The following TEX11 variants were observed in gnomAD, a reference collection of about 807,000 sequenced individuals.
The protein encoded by TEX11 is testis expressed 11, also known as testis-expressed protein 11.
A neutral mutation model predicts 84.4 loss-of-function variants in TEX11; 7 were observed. The ratio of observed to expected loss-of-function variants is 0.08; its 90% CI spans 0.05 to 0.16. The LOEUF is 0.16. Among genes scored for constraint, TEX11 ranks in the 10% least tolerant of loss-of-function variants. The probability of loss-of-function intolerance (pLI) is 1.00; values close to 1 mark genes in which losing one functional copy is unlikely to be tolerated. For missense variants in TEX11, 551 were observed against 660.5 expected (o/e 0.83, Z 1.82); for synonymous variants, 264 against 222.8 (o/e 1.18, Z -1.64).
At chrX:70,751,050 A>G (rs1452291953) in intron 9 of TEX11, among the ~76,000 whole-genome samples, 2 of 100,613 alleles carry the variant, frequency 2.0e-5, no homozygotes, top group African/African-American at 7.1e-5. Flanking sequence ...AAACTAGTTC[A>G]ACCATTGTGG....
intron 13 of TEX11, among the ~76,000 whole-genome samples, chrX:70,710,120 C>T (rs970945416): frequency 1.0e-4 from 11 of 107,297 alleles, no homozygotes; most frequent in African/African-American, 3.4e-4. Context: ...ACCTAATCAG[C>T]ATCAAAAAAA....
chrX:70,671,947 C>T (rs1304512736), intron 15 of TEX11, among the ~76,000 whole-genome samples: 1 of 93,841 alleles, frequency 1.1e-5, no homozygotes, highest in Non-Finnish European at 2.1e-5. Context: ...ACACAGTCAA[C>T]GGAGTGAACA....
Position 70,815,706 on chromosome X carries a change from C to A in TEX11, c.607-8916G>T, listed in dbSNP as rs751043474. Among the ~76,000 whole-genome samples, 17 of 111,148 alleles carry A rather than the reference C, an allele frequency of 1.5e-4. No homozygotes were observed. In the East Asian group the frequency reaches 4.8e-3, roughly 31 times the overall value. On this transcript the variant is annotated intron_variant, in intron 8 of 29. Coordinates refer to ENST00000374333, the MANE Select transcript of TEX11 (RefSeq NM_031276.3). ...ACTGGACATCTTGGAACATGTCCCCCACGGATAAGGGGGGACTACTGCATT... is the reference window on the plus strand; with the variant it reads ...ACTGGACATCTTGGAACATGTCCCCAACGGATAAGGGGGGACTACTGCATT...
intron 13 of TEX11, among the ~76,000 whole-genome samples, chrX:70,718,694 A>T (rs2090528798): frequency 8.9e-6 from 1 of 111,966 alleles, no homozygotes; most frequent in South Asian, 3.7e-4. Flanking sequence ...GAACTGAAGT[A>T]TTTATTCCCC....
chrX:70,784,020 C>CA (rs901953794), intron 9 of TEX11, among the ~76,000 whole-genome samples: 9 of 108,852 alleles, frequency 8.3e-5, no homozygotes, highest in African/African-American at 2.0e-4. Flanking sequence ...AGAGACACAA[C>CA]AAAAAAAAAG....
At chrX:70,584,798 T>C (rs779520045) in intron 25 of TEX11, among the ~76,000 whole-genome samples, 3 of 112,150 alleles carry the variant, frequency 2.7e-5, no homozygotes, top group African/African-American at 6.5e-5. Context: ...AAGGTCATAT[T>C]CATTGATGCA....
At chrX:70,546,379 A>G (rs1042459243) in intron 28 of TEX11, among the ~76,000 whole-genome samples, 10 of 112,097 alleles carry the variant, frequency 8.9e-5, no homozygotes, top group Admixed American at 4.8e-4. Context: ...CCACAAAAGA[A>G]AAAATTGATA....
rs1164466971 is a variant in TEX11 at position 70,740,783 on chromosome X, C to T, written c.761G>A (p.Arg254Gln). ...ATCCAAATAATTCGTGGCTAATAGCCGTAGAACTTTAGCCTGTAAGAAAAA... is the reference window on the plus strand; with the variant it reads ...ATCCAAATAATTCGTGGCTAATAGCTGTAGAACTTTAGCCTGTAAGAAAAA... Reference protein sequence around the residue: ...TGPEMLAKVLRLLATNYLDWD... With the variant: ...TGPEMLAKVLQLLATNYLDWD... Residue 254 changes from arginine (R) to glutamine (Q), a missense_variant, in exon 11 of 30, where the codon CGG (arginine) becomes CAG (glutamine). By Grantham distance (43) the Arg-to-Gln change is conservative. Coordinates refer to ENST00000374333, the MANE Select transcript of TEX11 (RefSeq NM_031276.3). 1.5e-5 allele frequency: 17 copies of T among 1,171,327 alleles called. No individual in the cohort carries two copies. The highest frequency in any genetic ancestry group is 3.0e-5 in the East Asian group (1 of 33,019).
intron 24 of TEX11, among the ~76,000 whole-genome samples, chrX:70,602,605 G>C (rs1479187865): frequency 1.9e-5 from 2 of 107,698 alleles, no homozygotes; most frequent in Non-Finnish European, 3.8e-5. Context: ...ATACTGAATG[G>C]GCAAACACTG....
At chrX:70,576,568 G>C (rs2088676395) in intron 25 of TEX11, among the ~76,000 whole-genome samples, 1 of 112,511 alleles carries the variant, frequency 8.9e-6, no homozygotes, top group Admixed American at 9.4e-5. Flanking sequence ...CAAGTGTTAA[G>C]TTTGGTGTGT....
At chrX:70,855,509 T>G (rs1301360320) in intron 5 of TEX11, among the ~76,000 whole-genome samples, 1 of 108,273 alleles carries the variant, frequency 9.2e-6, no homozygotes, top group African/African-American at 3.4e-5. Flanking sequence ...GAGGTTGTAG[T>G]GAGCTGAGAT....
chrX:70,578,834 G>A (rs1308308262), intron 25 of TEX11, among the ~76,000 whole-genome samples: 2 of 90,738 alleles, frequency 2.2e-5, no homozygotes, highest in Admixed American at 1.4e-4. Context: ...GCAATTGCAC[G>A]ATCTTGGCTC....
chrX:70,891,861 C>T (rs4300150), intron 2 of TEX11, among the ~76,000 whole-genome samples: 42,954 of 110,316 alleles, frequency 0.39, 6,940 homozygotes, highest in East Asian at 0.58. Context: ...GCCCAACATT[C>T]AAATTCAGAA....
intron 2 of TEX11, among the ~76,000 whole-genome samples, chrX:70,887,600 C>T (rs1305703466): frequency 1.8e-5 from 2 of 112,178 alleles, no homozygotes; most frequent in Admixed American, 9.4e-5. Flanking sequence ...CTCCAGGTCC[C>T]GGCTCCCAGA....
rs772466262 is a variant in TEX11, at chrX:70,690,034, T to C, written c.1005-7209A>G. ...ATCATGAGAAAAATATCAGAAAAAA[T>C]CTAATACATAGGTATCCTACAAAAT... On this transcript the variant is annotated intron_variant, in intron 13 of 29. Transcript: ENST00000374333. Among the ~76,000 whole-genome samples, 34 of 111,183 alleles carry C rather than the reference T, an allele frequency of 3.1e-4. 1 individual carries two copies. The highest frequency in any genetic ancestry group is 1.1e-3 in the South Asian group (3 of 2,624).
chrX:70,805,645 C>T (rs1416400590), intron 9 of TEX11, among the ~76,000 whole-genome samples: 1 of 111,955 alleles, frequency 8.9e-6, no homozygotes, highest in African/African-American at 3.2e-5. Flanking sequence ...AGGTGATCTG[C>T]CCACCTTGGC....
At chrX:70,588,358 T>C (rs1209895210) in intron 25 of TEX11, among the ~76,000 whole-genome samples, 1 of 111,633 alleles carries the variant, frequency 9.0e-6, no homozygotes, top group Non-Finnish European at 1.9e-5. Context: ...GTGGAGGTGA[T>C]TGAATCACAA....
intron 17 of TEX11, among the ~76,000 whole-genome samples, chrX:70,634,820 A>G (rs1012660503): frequency 8.9e-6 from 1 of 112,549 alleles, no homozygotes. Flanking sequence ...TTTCTTGAAG[A>G]AAACATGAGA....
chrX:70,513,890 T>C, the TEX11 span, among the ~76,000 whole-genome samples: 1 of 108,899 alleles, frequency 9.2e-6, no homozygotes, highest in South Asian at 3.9e-4. Context: ...TGATATCAGA[T>C]ATGACAGCAA....
Sources: allele counts gnomAD v4.1 joint callset (sites outside exome capture counted in the v4.1 genomes callset), GRCh38; gene constraint gnomAD v4.1.1; transcripts MANE v1.5; gene names NCBI Gene and HGNC (gene_info 2026-07-23, HGNC 2026-07-21).